The following PEX14 variants were observed in gnomAD, a reference collection of about 807,000 sequenced individuals.
The protein encoded by PEX14 is peroxisomal membrane protein PEX14.
Under a neutral mutation model 49.5 loss-of-function variants are expected in PEX14, and 15 were observed. The observed-to-expected ratio is 0.30, with a 90% confidence interval of 0.20 to 0.47. The LOEUF (loss-of-function observed/expected upper bound fraction) is 0.47, where lower values mean the gene tolerates loss of function less well. PEX14 is among the 20% of genes least tolerant of loss of function. The probability of loss-of-function intolerance (pLI) is 1.00; values close to 1 mark genes in which losing one functional copy is unlikely to be tolerated. For synonymous variants in PEX14, 210 were observed against 212.7 expected (o/e 0.99, Z 0.11); for missense variants, 398 against 494.8 (o/e 0.80, Z 1.86).
At chr1:10,540,857 CTG>C (rs1396413424) in intron 3 of PEX14, among the ~76,000 whole-genome samples, 1 of 152,122 alleles carries the variant, frequency 6.6e-6, no homozygotes, top group Non-Finnish European at 1.5e-5. Flanking sequence ...ACAATTGGCT[CTG>C]TGAGGGGCTG....
In PEX14 at chr1:10,613,248, G is replaced by A. The variant is rs1473845238; in HGVS notation, c.299-5084G>A. ...CCTGTTAGGTGAGAATTTGGTTGGT[G>A]GAGGTATAAAGAAACAGAGTCATGT... On this transcript the variant is annotated intron_variant, in intron 4 of 8. Transcript: ENST00000356607. This position sits in a 1 kb window ranked among gnomAD's most constrained non-coding sequence, Gnocchi z 5.0. 6.6e-6 allele frequency among the ~76,000 whole-genome samples: 1 copy of A among 152,158 alleles called. No individual in the cohort carries two copies. Among genetic ancestry groups the A allele is most frequent in the Non-Finnish European group, 1.5e-5 (1 of 68,024 alleles).
intron 4 of PEX14, among the ~76,000 whole-genome samples, chr1:10,604,608 C>T (rs912838776): frequency 6.6e-6 from 1 of 152,050 alleles, no homozygotes; most frequent in Non-Finnish European, 1.5e-5. Flanking sequence ...AAGGCCCTGC[C>T]TCTAAAAAAC....
chr1:10,592,742 A>G (rs1640706487), intron 3 of PEX14, among the ~76,000 whole-genome samples: 1 of 152,236 alleles, frequency 6.6e-6, no homozygotes, highest in African/African-American at 2.4e-5. Context: ...TGGCTATGTC[A>G]TTGAAACTGC....
intron 2 of PEX14, among the ~76,000 whole-genome samples, chr1:10,518,041 A>G (rs1642002101): frequency 6.6e-6 from 1 of 152,018 alleles, no homozygotes; most frequent in Non-Finnish European, 1.5e-5. Context: ...CAAACAGAAA[A>G]TTTCAGACCT....
Position 10,623,435 on chromosome 1 carries a change from T to C in PEX14, c.487+314T>C. On this transcript the variant is annotated intron_variant, in intron 6 of 8. Coordinates refer to ENST00000356607, the MANE Select transcript of PEX14 (RefSeq NM_004565.3). This position sits in a 1 kb window ranked among gnomAD's most constrained non-coding sequence, Gnocchi z 4.4. Reference sequence around the variant, plus strand: ...ATTTTTAATTTCTGCTTCTATGAGGTTTTCAGGGGGGTTTTCAGTGATTTT... The same window carrying C: ...ATTTTTAATTTCTGCTTCTATGAGGCTTTCAGGGGGGTTTTCAGTGATTTT... 2.7e-6 allele frequency: 1 copy of C among 369,498 alleles called. No homozygotes were observed. Among genetic ancestry groups the C allele is most frequent in the Non-Finnish European group, 5.2e-6 (1 of 190,812 alleles). The allele number at this position is 369,498 out of a possible 1,614,324, so 22.9% of individuals were successfully genotyped here.
At chr1:10,507,679 A>G (rs1471793178) in intron 2 of PEX14, among the ~76,000 whole-genome samples, 1 of 152,172 alleles carries the variant, frequency 6.6e-6, no homozygotes, top group East Asian at 1.9e-4. Context: ...ACAATTGAGC[A>G]ATTTGCTCTG....
intron 3 of PEX14, among the ~76,000 whole-genome samples, chr1:10,549,471 T>C (rs1166382825): frequency 6.6e-6 from 1 of 152,214 alleles, no homozygotes; most frequent in African/African-American, 2.4e-5. Flanking sequence ...GCACAGAATG[T>C]AATTGAAAGA....
chr1:10,475,089 C>A, intron 1 of PEX14, 87 bp downstream of exon 1: 1 of 1,319,654 alleles, frequency 7.6e-7, no homozygotes, highest in Non-Finnish European at 1.1e-6. Flanking sequence ...GGGTAGGGAC[C>A]CCGAGTCTCC....
chr1:10,617,424 C>T (rs1045794170), intron 4 of PEX14, among the ~76,000 whole-genome samples: 11 of 152,126 alleles, frequency 7.2e-5, no homozygotes, highest in African/African-American at 2.4e-4. Flanking sequence ...AAAGAATATT[C>T]GGCTTCCTTG....
intron 2 of PEX14, chr1:10,528,269 G>A (rs1373512376): frequency 1.0e-6 from 1 of 973,886 alleles, no homozygotes; most frequent in Non-Finnish European, 1.2e-6. Context: ...TGCATGACTA[G>A]AGAGCTTCAC....
chr1:10,599,137 G>A, intron 3 of PEX14, 101 bp from the exon 4 acceptor site: 2 of 1,206,418 alleles, frequency 1.7e-6, no homozygotes, highest in South Asian at 1.2e-5. Flanking sequence ...AGGATGCGAG[G>A]CATTCTGTGG....
At chr1:10,580,885 A>G (rs1640296261) in intron 3 of PEX14, among the ~76,000 whole-genome samples, 1 of 152,040 alleles carries the variant, frequency 6.6e-6, no homozygotes, top group African/African-American at 2.4e-5. Flanking sequence ...ACCTTATTTA[A>G]TCTTTATAAC....
chr1:10,564,399 T>C (rs916687964), intron 3 of PEX14, among the ~76,000 whole-genome samples: 8 of 152,080 alleles, frequency 5.3e-5, no homozygotes, highest in Non-Finnish European at 1.2e-4. Context: ...ATTTCAATTA[T>C]TGCATTTTAC....
chr1:10,618,511 G>A (rs114391006), intron 5 of PEX14, 94 bp downstream of exon 5: 20 of 965,262 alleles, frequency 2.1e-5, no homozygotes, highest in South Asian at 9.2e-5. Context: ...AGGCACTGCC[G>A]TGCTCTGCCC....
chr1:10,477,875 T>C lies in PEX14; in HGVS notation c.36+2873T>C, dbSNP rs115490783. 2.7e-3 allele frequency among the ~76,000 whole-genome samples: 415 copies of C among 152,322 alleles called. 3 individuals carry two copies. Among genetic ancestry groups the C allele is most frequent in the African/African-American group, 9.3e-3 (386 of 41,588 alleles). On this transcript the variant is annotated intron_variant, in intron 1 of 8. Coordinates refer to ENST00000356607, the MANE Select transcript of PEX14 (RefSeq NM_004565.3). ...TATCTCACAGAGTTGCTCTGAGGAC[T>C]AAATGAGTTATTTATTTATTTATTT...
At chr1:10,506,814 G>A (rs967109455) in intron 2 of PEX14, among the ~76,000 whole-genome samples, 1 of 152,148 alleles carries the variant, frequency 6.6e-6, no homozygotes, top group Non-Finnish European at 1.5e-5. Flanking sequence ...TATGGGTAGG[G>A]TTTATGCAAG....
chr1:10,570,425 C>G (rs190725130), intron 3 of PEX14, among the ~76,000 whole-genome samples: 2 of 152,080 alleles, frequency 1.3e-5, no homozygotes, highest in Admixed American at 1.3e-4. Context: ...CTCCACCTCC[C>G]GTGTTCAAGC....
chr1:10,487,481 CTTTTTTTTTT>C (rs33968565), intron 1 of PEX14, among the ~76,000 whole-genome samples: 2 of 86,752 alleles, frequency 2.3e-5, no homozygotes, highest in East Asian at 3.8e-4. Context: ...TTCTTTCTTT[CTTTTTTTTTT>C]TTTTTTTTTT....
intron 2 of PEX14, among the ~76,000 whole-genome samples, chr1:10,509,187 A>G (rs1298111545): frequency 6.6e-6 from 1 of 151,930 alleles, no homozygotes; most frequent in East Asian, 1.9e-4. Context: ...TGACCTCATG[A>G]TCCGCCTGCC....
Sources: gnomAD v4.1 joint callset for allele counts (sites outside exome capture counted in the v4.1 genomes callset) on GRCh38, gnomAD v4.1.1 for gene constraint, Gnocchi (gnomAD v3.1) non-coding constraint, MANE v1.5 for transcripts, NCBI Gene and HGNC (gene_info 2026-07-23, HGNC 2026-07-21) for gene names.